Variants in AUH observed in about 807,000 individuals in gnomAD.
The protein encoded by AUH is methylglutaconyl-CoA hydratase, mitochondrial.
In AUH, 29 loss-of-function variants were observed where a neutral mutation model predicts 42.3. The ratio of observed to expected loss-of-function variants is 0.69; its 90% confidence interval spans 0.51 to 0.93. The LOEUF (loss-of-function observed/expected upper bound fraction) is 0.93, where lower values mean the gene tolerates loss of function less well. Ranked by LOEUF, AUH falls within the 40% of genes least tolerant of loss-of-function variation. The pLI is 0.00. For synonymous variants in AUH, 174 were observed against 166.4 expected (o/e 1.05, Z -0.35); for missense variants, 452 against 438.1 (o/e 1.03, Z -0.28).
At chr9:91,343,211 C>T (rs1831235213) in intron 3 of AUH, 1 of 152,066 alleles carries the variant, frequency 6.6e-6, no homozygotes, top group Non-Finnish European at 1.5e-5. Context: ...CTCTCCTAAC[C>T]TCTCATGTTG....
At chr9:91,323,655 G>A (rs181526878) in intron 4 of AUH, among the ~76,000 whole-genome samples, 1 of 150,986 alleles carries the variant, frequency 6.6e-6, no homozygotes, top group East Asian at 1.9e-4. Context: ...CTTTCCTACA[G>A]ACTATAATAA....
rs569723501 is a variant in AUH, at chr9:91,276,311, A to G, written c.655+19710T>C. Among the ~76,000 whole-genome samples, 10 of 152,044 alleles carry G rather than the reference A, an allele frequency of 6.6e-5. No individual in the cohort carries two copies. In the South Asian group the frequency reaches 2.1e-3, roughly 32 times the overall value. On this transcript the variant is annotated intron_variant, in intron 6 of 9. Coordinates refer to ENST00000375731, the MANE Select transcript of AUH (RefSeq NM_001698.3). Reference sequence around the variant, plus strand: ...CCGGGTGTGGTGGCGGACGCCTGTAATCCCAGCTACTTGAGAAAGCGAAGC... The same window carrying G: ...CCGGGTGTGGTGGCGGACGCCTGTAGTCCCAGCTACTTGAGAAAGCGAAGC...
rs150445753 is a variant in AUH at position 91,342,753 on chromosome 9, G to A, written c.418+13130C>T. ...ACGAGTACTCTGAGTCATTTTTAAC[G>A]GCATCTCTGACGTGCTCAAATGAAA... On this transcript the variant is annotated intron_variant, in intron 3 of 9. Transcript: ENST00000375731. 19 of 152,182 alleles carry A rather than the reference G, an allele frequency of 1.2e-4. No homozygotes were observed. In the East Asian group the frequency reaches 2.5e-3, roughly 20 times the overall value. The allele number at this position is 152,182 out of a possible 1,614,324, so 9.4% of individuals were successfully genotyped here.
At chr9:91,226,259 G>A (rs1587635957) in intron 6 of AUH, among the ~76,000 whole-genome samples, 4 of 151,228 alleles carry the variant, frequency 2.6e-5, no homozygotes, top group African/African-American at 9.7e-5. Flanking sequence ...GGTGTAAGAT[G>A]GTATCTCATT....
chr9:91,287,386 C>A (rs374800707), intron 6 of AUH, among the ~76,000 whole-genome samples: 1 of 152,128 alleles, frequency 6.6e-6, no homozygotes, highest in Non-Finnish European at 1.5e-5. Flanking sequence ...CTAAATGCAA[C>A]GTGGAGGCCT....
intron 6 of AUH, among the ~76,000 whole-genome samples, chr9:91,278,186 C>T (rs1485230551): frequency 6.6e-6 from 1 of 152,132 alleles, no homozygotes; most frequent in African/African-American, 2.4e-5. Context: ...GGGTGCCATG[C>T]CTAGCGACCA....
chr9:91,294,786 T>C (rs1245489957), intron 6 of AUH: 1 of 455,276 alleles, frequency 2.2e-6, no homozygotes, highest in South Asian at 1.6e-5. Context: ...AAGACTTCAG[T>C]GGAGGAAGTC....
chr9:91,306,286 G>A (rs949043115), intron 4 of AUH: 9 of 831,326 alleles, frequency 1.1e-5, no homozygotes, highest in South Asian at 5.5e-5. Flanking sequence ...TGGCAGGGAA[G>A]TCCATGCCCA....
rs1367752917 is a variant in AUH, at chr9:91,283,161, T to C, written c.655+12860A>G. On this transcript the variant is annotated intron_variant, in intron 6 of 9. Transcript: ENST00000375731. ...TGGGATGCAAGGCTGGTTCAACATA[T>C]GCAAATCAATAAACGTAATCCAGCA... 3.0e-4 allele frequency among the ~76,000 whole-genome samples: 45 copies of C among 151,768 alleles called. No individual in the cohort carries two copies. The South Asian group carries it at 8.4e-3, about 28-fold the overall frequency.
chr9:91,352,773 CA>C (rs1248369554), intron 3 of AUH, among the ~76,000 whole-genome samples: 1 of 152,118 alleles, frequency 6.6e-6, no homozygotes, highest in African/African-American at 2.4e-5. Context: ...TGAAAAAAAT[CA>C]GTGAATTAAA....
At chr9:91,276,627 C>T (rs1435239756) in intron 6 of AUH, among the ~76,000 whole-genome samples, 3 of 152,110 alleles carry the variant, frequency 2.0e-5, no homozygotes, top group South Asian at 2.1e-4. Context: ...TGCAGCGCCA[C>T]ATCTAAAGAA....
chr9:91,290,532 C>G (rs956802624), intron 6 of AUH, among the ~76,000 whole-genome samples: 4 of 152,138 alleles, frequency 2.6e-5, no homozygotes, highest in Non-Finnish European at 5.9e-5. Flanking sequence ...AAAAATAATT[C>G]TATTTGTCAG....
At chr9:91,279,895 G>A (rs1825829782) in intron 6 of AUH, among the ~76,000 whole-genome samples, 1 of 152,194 alleles carries the variant, frequency 6.6e-6, no homozygotes, top group Admixed American at 6.5e-5. Flanking sequence ...TTACTGCTGA[G>A]CTAGTGTGTT....
At chr9:91,279,421 T>C (rs1009260962) in intron 6 of AUH, among the ~76,000 whole-genome samples, 1 of 152,174 alleles carries the variant, frequency 6.6e-6, no homozygotes, top group Non-Finnish European at 1.5e-5. Flanking sequence ...AAGAGATACC[T>C]GAGAGTAATT....
At chr9:91,216,473 T>A (rs1251850439) in intron 8 of AUH, among the ~76,000 whole-genome samples, 1 of 151,972 alleles carries the variant, frequency 6.6e-6, no homozygotes, top group Non-Finnish European at 1.5e-5. Flanking sequence ...CGATGCTTAA[T>A]ACATAGTAAG....
chr9:91,256,795 GAGGAT>G (rs1829426422), intron 6 of AUH, among the ~76,000 whole-genome samples: 2 of 152,086 alleles, frequency 1.3e-5, no homozygotes, highest in African/African-American at 4.8e-5. Context: ...CTGGTGTGGT[GAGGAT>G]AGGAGAGTCT....
intron 6 of AUH, among the ~76,000 whole-genome samples, chr9:91,283,772 T>C (rs572434111): frequency 6.4e-4 from 97 of 152,254 alleles, no homozygotes; most frequent in South Asian, 2.3e-3. Context: ...GAACGACCTC[T>C]TCAAGGAGAA....
At chr9:91,254,244 A>G (rs1345744993) in intron 6 of AUH, among the ~76,000 whole-genome samples, 1 of 152,196 alleles carries the variant, frequency 6.6e-6, no homozygotes, top group Non-Finnish European at 1.5e-5. Flanking sequence ...GGCTAAAATA[A>G]AGGTAATGTA....
chr9:91,358,070 G>C (rs1466996918), intron 1 of AUH, among the ~76,000 whole-genome samples: 2 of 152,160 alleles, frequency 1.3e-5, no homozygotes, highest in Admixed American at 6.5e-5. Flanking sequence ...GGCTGAGATT[G>C]GTGGTGGTAA....
Sources: gnomAD v4.1 joint callset for allele counts (sites outside exome capture counted in the v4.1 genomes callset) on GRCh38, gnomAD v4.1.1 for gene constraint, MANE v1.5 for transcripts, NCBI Gene and HGNC (gene_info 2026-07-23, HGNC 2026-07-21) for gene names.